The following LAMA3 variants were observed in gnomAD, a reference collection of about 807,000 sequenced individuals.
LAMA3 encodes laminin subunit alpha 3.
LAMA3 carries 281 observed loss-of-function variants against 402.0 expected under a neutral mutation model. That is an observed-to-expected ratio of 0.70 (90% confidence interval 0.63 to 0.77). LAMA3 has a LOEUF of 0.77. Among genes scored for constraint, LAMA3 ranks in the 30% least tolerant of loss-of-function variants. The pLI is 0.00. For synonymous variants in LAMA3, 1,431 were observed against 1,558.4 expected, an observed-to-expected ratio of 0.92 and a Z score of 1.93; for missense variants, 3,840 against 4,215.5, an observed-to-expected ratio of 0.91 and a Z score of 2.47.
chr18:23,918,395 A>G lies in LAMA3; in HGVS notation c.7923+1700A>G, dbSNP rs2081712441. On this transcript the variant is annotated intron_variant, in intron 60 of 74. Coordinates refer to ENST00000313654, the MANE Select transcript of LAMA3 (RefSeq NM_198129.4). This position sits in a 1 kb window ranked among gnomAD's most constrained non-coding sequence, Gnocchi z 4.1. ...CTAAGAATCTACTTATTCTGACCCA[A>G]AACATGTGAAAACTTCCTGGGATCT... Among the ~76,000 whole-genome samples, 1 of 152,150 alleles carries G rather than the reference A, an allele frequency of 6.6e-6. No individual in the cohort carries two copies. Among genetic ancestry groups the G allele is most frequent in the Admixed American group, 6.6e-5 (1 of 15,266 alleles).
chr18:23,826,544 C>T (rs183036071), intron 21 of LAMA3, among the ~76,000 whole-genome samples, 158 bp from the exon 22 acceptor site: 12 of 152,198 alleles, frequency 7.9e-5, no homozygotes, highest in African/African-American at 2.6e-4. Context: ...CTTTGTGTTT[C>T]GGTGAGTCGG....
intron 67 of LAMA3, among the ~76,000 whole-genome samples, chr18:23,936,097 T>C (rs1284425289): frequency 2.0e-5 from 3 of 151,960 alleles, no homozygotes; most frequent in African/African-American, 7.3e-5. Context: ...ACCTTACAGG[T>C]CAGGAAATTG....
intron 46 of LAMA3, 110 bp from the exon 47 acceptor site, chr18:23,899,178 A>T: frequency 2.4e-6 from 3 of 1,258,694 alleles, no homozygotes; most frequent in Non-Finnish European, 3.4e-6. Context: ...CCATAGTGAT[A>T]CTAAAAAACT....
At chr18:23,948,305 C>T (rs898340968) in intron 70 of LAMA3, among the ~76,000 whole-genome samples, 6 of 152,150 alleles carry the variant, frequency 3.9e-5, no homozygotes, top group African/African-American at 1.4e-4. Flanking sequence ...GGGTATAAAC[C>T]ATCTCATGGG....
intron 54 of LAMA3, among the ~76,000 whole-genome samples, chr18:23,908,611 G>A (rs2081333771): frequency 6.7e-6 from 1 of 150,026 alleles, no homozygotes; most frequent in African/African-American, 2.4e-5. Flanking sequence ...TTTCTGTAGT[G>A]GTCAAAGTAA....
At chr18:23,827,877 G>A (rs904750675) in intron 23 of LAMA3, among the ~76,000 whole-genome samples, 25 of 152,182 alleles carry the variant, frequency 1.6e-4, no homozygotes, top group Middle Eastern at 3.4e-3. Context: ...CAACCCCTTA[G>A]GCTAAGCAAT....
In LAMA3 at chr18:23,750,987, T is replaced by C. The variant is rs750608321; in HGVS notation, c.754T>C (p.Phe252Leu). ...NFTFSHTLRE[F>L]TKATNIRLRF... ...TACTTTCTCTCACACCCTGAGGGAG[T>C]TTACCAAGGCAACAAACATCCGCTT... Residue 252 changes from phenylalanine (F) to leucine (L), a missense_variant, in exon 5 of 75, where the codon TTT becomes CTT. Phe to Leu is a conservative substitution (Grantham distance 22). This residue lies in a region of LAMA3 where 2,109 missense variants were observed against 2,376.0 expected (regional missense o/e 0.89). Transcript: ENST00000313654. 1 of 1,613,990 alleles carries C rather than the reference T, an allele frequency of 6.2e-7. No individual in the cohort carries two copies. The highest frequency in any genetic ancestry group is 8.5e-7 in the Non-Finnish European group (1 of 1,179,966).
Position 23,824,579 on chromosome 18 carries a change from C to A in LAMA3, c.2571+14C>A. On this transcript the variant is annotated intron_variant, in intron 21 of 74. Transcript: ENST00000313654. ...GGAGTCCTTCTGGTAAGACTTAGTT[C>A]TGAATGGAGAGCTCCTGCGGGATTC... 6.2e-7 allele frequency: 1 copy of A among 1,613,580 alleles called. No individual in the cohort carries two copies. Among genetic ancestry groups the A allele is most frequent in the South Asian group, 1.1e-5 (1 of 91,068 alleles).
At position 23,815,180 on chromosome 18, in the gene LAMA3, C is replaced by G. The variant is rs1223413235; in HGVS notation, c.1889-8C>G. The G allele has an allele frequency of 3.1e-6, 5 of 1,613,618 alleles. No homozygotes were observed. Among genetic ancestry groups the G allele is most frequent in the Non-Finnish European group, 4.2e-6 (5 of 1,179,622 alleles). On this transcript the variant is annotated splice_region_variant and splice_polypyrimidine_tract_variant and intron_variant, in intron 15 of 74. Transcript: ENST00000313654. Reference sequence around the variant, plus strand: ...CCTTAGTTCAAGGATGCTCTCTTATCTCCACAGAATGCAAGTGCCATAAGG... The same window carrying G: ...CCTTAGTTCAAGGATGCTCTCTTATGTCCACAGAATGCAAGTGCCATAAGG...
intron 7 of LAMA3, 31 bp downstream of exon 7, chr18:23,758,542 G>A (rs1427012339): frequency 1.4e-6 from 2 of 1,408,118 alleles, no homozygotes; most frequent in Non-Finnish European, 1.9e-6. Context: ...GGGGCCACAC[G>A]TGGCCTTCTC....
chr18:23,758,530 T>G lies in LAMA3; in HGVS notation c.1063+19T>G, dbSNP rs879225671. 1.3e-6 allele frequency: 2 copies of G among 1,553,994 alleles called. No homozygotes were observed. The highest frequency in any genetic ancestry group is 2.3e-5 in the East Asian group (1 of 43,368). ...TGTGAAGGTGGGTGTGGGGATGGGGTGGGGGCCACACGTGGCCTTCTCCCC... is the reference window on the plus strand; with the variant it reads ...TGTGAAGGTGGGTGTGGGGATGGGGGGGGGGCCACACGTGGCCTTCTCCCC... On this transcript the variant is annotated intron_variant, in intron 7 of 74. Transcript: ENST00000313654.
At chr18:23,875,424 T>C (rs183083311) in intron 38 of LAMA3, among the ~76,000 whole-genome samples, 4 of 152,200 alleles carry the variant, frequency 2.6e-5, no homozygotes, top group African/African-American at 7.2e-5. Flanking sequence ...GAGATAGAAA[T>C]AATCAAATCA....
chr18:23,898,932 A>C (rs1396028659), intron 45 of LAMA3, 22 bp from the exon 46 acceptor site: 1 of 1,597,214 alleles, frequency 6.3e-7, no homozygotes, highest in Non-Finnish European at 8.6e-7. Context: ...ATTTGCTGCT[A>C]ATCAATTTAT....
chr18:23,808,113 AT>A (rs1386440840), intron 12 of LAMA3, among the ~76,000 whole-genome samples: 2 of 152,102 alleles, frequency 1.3e-5, no homozygotes, highest in East Asian at 3.9e-4. Context: ...TTTGTTCTGG[AT>A]TTTTAGATCT....
intron 66 of LAMA3, among the ~76,000 whole-genome samples, chr18:23,933,491 C>T (rs916752351): frequency 3.9e-5 from 6 of 152,308 alleles, no homozygotes; most frequent in Non-Finnish European, 7.4e-5. Flanking sequence ...ATCTGGGTAA[C>T]TGGAATGTGC....
chr18:23,735,727 C>T (rs1050716487), intron 2 of LAMA3, among the ~76,000 whole-genome samples: 1 of 152,108 alleles, frequency 6.6e-6, no homozygotes, highest in African/African-American at 2.4e-5. Context: ...TGCAGAGCGT[C>T]CCCCTAGGCA....
chr18:23,943,689 TG>T, intron 68 of LAMA3, 98 bp from the exon 69 acceptor site: 2 of 1,069,768 alleles, frequency 1.9e-6, no homozygotes, highest in Non-Finnish European at 2.9e-6. Context: ...ATTTGAAAAA[TG>T]GGGGTTGGGT....
At chr18:23,812,953 G>A in intron 13 of LAMA3, 104 bp from the exon 14 acceptor site, 1 of 782,528 alleles carries the variant, frequency 1.3e-6, no homozygotes, top group South Asian at 1.4e-5. Flanking sequence ...AAATATAAAT[G>A]TAGATACACT....
intron 2 of LAMA3, among the ~76,000 whole-genome samples, chr18:23,745,219 A>G (rs1214149265): frequency 6.6e-6 from 1 of 152,066 alleles, no homozygotes; most frequent in Admixed American, 6.5e-5. Context: ...AAAATATGGT[A>G]TATTGTTAAC....
Sources: allele counts gnomAD v4.1 joint callset (sites outside exome capture counted in the v4.1 genomes callset), GRCh38; gene constraint gnomAD v4.1.1; regional missense constraint gnomAD v4.1.1; non-coding constraint Gnocchi (gnomAD v3.1); transcripts MANE v1.5; gene names NCBI Gene and HGNC (gene_info 2026-07-23, HGNC 2026-07-21).